The following MACROH2A2 variants were observed in gnomAD, a reference collection of about 807,000 sequenced individuals.
MACROH2A2 encodes the protein core histone macro-H2A.2.
MACROH2A2 carries 6 observed loss-of-function variants against 37.6 expected under a neutral mutation model. The observed-to-expected ratio is 0.16, with a 90% CI of 0.09 to 0.32. MACROH2A2 has a LOEUF of 0.32. MACROH2A2 is among the 10% of genes least tolerant of loss of function. MACROH2A2 has a pLI of 1.00. For missense variants in MACROH2A2, 290 were observed against 485.9 expected, an observed-to-expected ratio of 0.60 and a Z score of 3.79; for synonymous variants, 192 against 202.7, an observed-to-expected ratio of 0.95 and a Z score of 0.45.
At chr10:70,083,899 G>A (rs1163068002) in intron 2 of MACROH2A2, among the ~76,000 whole-genome samples, 1 of 151,202 alleles carries the variant, frequency 6.6e-6, no homozygotes, top group Non-Finnish European at 1.5e-5. Flanking sequence ...TCCAATGTAA[G>A]TGAGGAAAAA....
chr10:70,097,419 TTAGGAGGAGTC>T lies in MACROH2A2; in HGVS notation c.688+1667_688+1677del, dbSNP rs2072282261. Among the ~76,000 whole-genome samples, 17 of 152,308 alleles carry T rather than the reference TTAGGAGGAGTC, an allele frequency of 1.1e-4. 1 individual carries two copies. The South Asian group carries it at 3.5e-3, about 32-fold the overall frequency. On this transcript the variant is annotated intron_variant, in intron 6 of 8. Coordinates refer to ENST00000373255, the MANE Select transcript of MACROH2A2 (RefSeq NM_018649.3). Reference sequence around the variant, plus strand: ...TGACAGTGGTTTTATTGCTGCTGTGTTAGGAGGAGTCCCTCCCATTACGATTCCATTTTCCA... The same window carrying T: ...TGACAGTGGTTTTATTGCTGCTGTGTCCTCCCATTACGATTCCATTTTCCA...
At chr10:70,085,145 T>C (rs2072203240) in intron 2 of MACROH2A2, among the ~76,000 whole-genome samples, 1 of 151,962 alleles carries the variant, frequency 6.6e-6, no homozygotes, top group African/African-American at 2.4e-5. Context: ...GAGGGAAGGA[T>C]AGGGAATCAC....
chr10:70,083,916 GA>G (rs200334976), intron 2 of MACROH2A2, among the ~76,000 whole-genome samples: 2,614 of 151,694 alleles, frequency 0.017, 69 homozygotes, highest in African/African-American at 0.055. Flanking sequence ...AAAATGGACT[GA>G]AAAAACAAGC....
intron 2 of MACROH2A2, among the ~76,000 whole-genome samples, chr10:70,079,608 G>GACACACACACACAC (rs1554822102): frequency 3.8e-5 from 3 of 79,948 alleles, no homozygotes; most frequent in Non-Finnish European, 8.4e-5. Flanking sequence ...CACACACACG[G>GACACACACACACAC]CAGAGGAGGC....
chr10:70,098,320 AAG>A lies in MACROH2A2; in HGVS notation c.689-1881_689-1880del, dbSNP rs113457560. ...GGAGGGAGGGAAAGAAAAAGAGAGA[AAG>A]AGAGAGGCAGAGGGAGAGAGAGAGA... On this transcript the variant is annotated intron_variant, in intron 6 of 8. Transcript: ENST00000373255. 663 of 142,758 alleles carry A rather than the reference AAG, an allele frequency of 4.6e-3. 7 individuals carry two copies. The highest frequency in any genetic ancestry group is 0.016 in the African/African-American group (637 of 39,228). The allele number at this position is 142,758 out of a possible 1,614,324, so 8.8% of individuals were successfully genotyped here. A position where few individuals can be genotyped will look rare whatever the true frequency, so the allele number is the denominator to read the frequency against.
chr10:70,055,207 A>G (rs922238503), intron 1 of MACROH2A2, among the ~76,000 whole-genome samples: 6 of 152,202 alleles, frequency 3.9e-5, no homozygotes, highest in African/African-American at 1.2e-4. Context: ...ACTTTAAATG[A>G]AAGGTATCTG....
At chr10:70,104,580 C>T (rs547124084) in intron 7 of MACROH2A2, among the ~76,000 whole-genome samples, 5 of 152,244 alleles carry the variant, frequency 3.3e-5, no homozygotes, top group Admixed American at 3.3e-4. Flanking sequence ...GAGGCTGAGG[C>T]AGGAGAATCA....
intron 2 of MACROH2A2, among the ~76,000 whole-genome samples, chr10:70,081,269 C>G (rs1285854947): frequency 6.6e-6 from 1 of 152,070 alleles, no homozygotes; most frequent in Non-Finnish European, 1.5e-5. Context: ...GCTCGGCACA[C>G]ATGAGCAACT....
intron 7 of MACROH2A2, among the ~76,000 whole-genome samples, chr10:70,104,907 A>C (rs1372615184): frequency 6.6e-6 from 1 of 151,698 alleles, no homozygotes; most frequent in East Asian, 1.9e-4. Flanking sequence ...ATATTTAAAC[A>C]AAAAAAAAGT....
chr10:70,105,443 G>C (rs2072331500), intron 7 of MACROH2A2, among the ~76,000 whole-genome samples: 1 of 152,230 alleles, frequency 6.6e-6, no homozygotes, highest in Non-Finnish European at 1.5e-5. Context: ...ATAGCCAAGT[G>C]TGGAGACAGA....
intron 2 of MACROH2A2, among the ~76,000 whole-genome samples, chr10:70,076,525 T>C (rs1417752114): frequency 2.0e-5 from 3 of 152,204 alleles, no homozygotes; most frequent in Non-Finnish European, 4.4e-5. Context: ...CATAGTTAAA[T>C]AGAAACCAAA....
intron 2 of MACROH2A2, among the ~76,000 whole-genome samples, chr10:70,081,872 A>G (rs2072179050): frequency 6.6e-6 from 1 of 152,230 alleles, no homozygotes; most frequent in South Asian, 2.1e-4. Context: ...AACACCAAGG[A>G]TAAATGCTTG....
intron 6 of MACROH2A2, among the ~76,000 whole-genome samples, chr10:70,096,899 T>A (rs540815491): frequency 1.3e-5 from 2 of 152,116 alleles, no homozygotes; most frequent in African/African-American, 4.8e-5. Flanking sequence ...GAGAAACAGG[T>A]CTCCTTCCAC....
intron 2 of MACROH2A2, among the ~76,000 whole-genome samples, chr10:70,079,080 G>T (rs1042369757): frequency 6.6e-6 from 1 of 152,284 alleles, no homozygotes; most frequent in East Asian, 1.9e-4. Context: ...AGAAGGAAAC[G>T]CCTCACAATA....
At chr10:70,078,185 C>T (rs2072152304) in intron 2 of MACROH2A2, among the ~76,000 whole-genome samples, 1 of 152,206 alleles carries the variant, frequency 6.6e-6, no homozygotes, top group African/African-American at 2.4e-5. Context: ...CCTGTTCGTT[C>T]ATCCATTCAA....
At chr10:70,089,069 A>C (rs2072228112) in intron 2 of MACROH2A2, among the ~76,000 whole-genome samples, 1 of 152,176 alleles carries the variant, frequency 6.6e-6, no homozygotes, top group African/African-American at 2.4e-5. Flanking sequence ...ATGCCACTGC[A>C]CTCCAGCCTG....
intron 1 of MACROH2A2, among the ~76,000 whole-genome samples, chr10:70,064,230 G>A (rs1247642765): frequency 5.3e-5 from 8 of 152,092 alleles, no homozygotes; most frequent in African/African-American, 1.7e-4. Context: ...TTAGCCAGGT[G>A]TGGTGGAAGG....
chr10:70,064,135 G>A (rs147878477), intron 1 of MACROH2A2, among the ~76,000 whole-genome samples: 1,525 of 152,318 alleles, frequency 0.01, 13 homozygotes, highest in South Asian at 0.018. Flanking sequence ...TTGGGAGGCC[G>A]AGGCAGGCAG....
intron 1 of MACROH2A2, among the ~76,000 whole-genome samples, chr10:70,057,952 C>A (rs2072027785): frequency 6.6e-6 from 1 of 152,292 alleles, no homozygotes; most frequent in African/African-American, 2.4e-5. Flanking sequence ...ACACAAGGGA[C>A]TCCAGGCCAG....
Sources: allele counts gnomAD v4.1 joint callset (sites outside exome capture counted in the v4.1 genomes callset), GRCh38; gene constraint gnomAD v4.1.1; transcripts MANE v1.5; gene names NCBI Gene and HGNC (gene_info 2026-07-23, HGNC 2026-07-21).